ADCY2: variants seen among roughly 807,000 people sequenced by gnomAD.
ADCY2 encodes adenylate cyclase 2.
Under a neutral mutation model 125.2 loss-of-function variants are expected in ADCY2, and 31 were observed. That is an observed-to-expected ratio of 0.25 (90% CI 0.19 to 0.33). The LOEUF (loss-of-function observed/expected upper bound fraction) is 0.33, where lower values mean the gene tolerates loss of function less well. Among genes scored for constraint, ADCY2 ranks in the 10% least tolerant of loss-of-function variants. The pLI is 1.00. For synonymous variants in ADCY2, 512 were observed against 548.4 expected, an observed-to-expected ratio of 0.93 and a Z score of 0.93; for missense variants, 904 against 1,418.2, an observed-to-expected ratio of 0.64 and a Z score of 5.82.
rs539565346 is a variant in ADCY2 at position 7,829,071 on chromosome 5, A to C, written c.*2200A>C. ...AAGCATTGAGTCATTGTCAGAATCC[A>C]CTATGGGAAGCTCTGTGTGTACCTG... On this transcript the variant is annotated 3_prime_UTR_variant, in exon 25 of 25. Transcript: ENST00000338316. 2.0e-5 allele frequency: 3 copies of C among 152,512 alleles called. No homozygotes were observed. Among genetic ancestry groups the C allele is most frequent in the African/African-American group, 7.2e-5 (3 of 41,588 alleles). 9.4% of individuals were successfully genotyped at this position (152,512 alleles called of 1,614,324 possible).
Position 7,766,772 on chromosome 5 carries a change from C to A in ADCY2, c.2180C>A (p.Ala727Glu). The change falls in exon 17 of 25, where the codon GCG becomes GAG. Residue 727 changes from alanine to glutamate, a missense_variant. Physicochemically the swap from Ala to Glu is moderately radical, Grantham distance 107. This residue lies in a region of ADCY2 where 221 missense variants were observed against 246.2 expected (regional missense o/e 0.90). Transcript: ENST00000338316. ...TTTTCAGCCTCAAATAATCAGGTGG[C>A]GATTCTGCGTGCGCAGAATTTATTT... ...TSFSASNNQV[A>E]ILRAQNLFFL... The A allele has an allele frequency of 6.2e-7, 1 of 1,611,150 alleles. No homozygotes were observed. Among genetic ancestry groups the A allele is most frequent in the Non-Finnish European group, 8.5e-7 (1 of 1,179,322 alleles).
At chr5:7,449,438 C>A (rs912066519) in intron 2 of ADCY2, among the ~76,000 whole-genome samples, 1 of 152,130 alleles carries the variant, frequency 6.6e-6, no homozygotes, top group South Asian at 2.1e-4. Context: ...TCTGCCTTAC[C>A]TTTTCCTATG....
intron 4 of ADCY2, among the ~76,000 whole-genome samples, chr5:7,671,105 A>T (rs1739920631): frequency 6.6e-6 from 1 of 152,194 alleles, no homozygotes; most frequent in Non-Finnish European, 1.5e-5. Flanking sequence ...GATCATGACC[A>T]CTTCAGTTCT....
chr5:7,448,964 A>G (rs1303021149), intron 2 of ADCY2, among the ~76,000 whole-genome samples: 1 of 152,166 alleles, frequency 6.6e-6, no homozygotes, highest in East Asian at 1.9e-4. Context: ...TTATAATAGA[A>G]TGATTTATAT....
chr5:7,498,086 T>C (rs530051098), intron 2 of ADCY2, among the ~76,000 whole-genome samples: 2 of 152,192 alleles, frequency 1.3e-5, no homozygotes, highest in East Asian at 1.9e-4. Flanking sequence ...ATGGATACTC[T>C]GTAGATCCGA....
At chr5:7,723,920 C>CAAAAAAAAAAAAAAAAAAAAAA (rs70940756) in intron 12 of ADCY2, among the ~76,000 whole-genome samples, 9 of 53,722 alleles carry the variant, frequency 1.7e-4, no homozygotes, top group African/African-American at 9.2e-4. Context: ...GACTCAGTCT[C>CAAAAAAAAAAAAAAAAAAAAAA]AAAAAAAAAA....
chr5:7,421,501 T>C (rs1201455307), intron 2 of ADCY2, among the ~76,000 whole-genome samples: 3 of 152,208 alleles, frequency 2.0e-5, no homozygotes, highest in Non-Finnish European at 4.4e-5. Context: ...TCATATTGGA[T>C]TACAACCACC....
At chr5:7,724,454 A>C in intron 12 of ADCY2, 91 bp from the exon 13 acceptor site, 1 of 986,118 alleles carries the variant, frequency 1.0e-6, no homozygotes, top group Non-Finnish European at 1.6e-6. Context: ...TACACAATAA[A>C]GAAAGAAGAT....
chr5:7,458,529 G>C (rs1317290183), intron 2 of ADCY2, among the ~76,000 whole-genome samples: 1 of 151,974 alleles, frequency 6.6e-6, no homozygotes, highest in Non-Finnish European at 1.5e-5. Flanking sequence ...CATGTATTCT[G>C]TGATATTGTC....
chr5:7,449,988 ACTGCTCCACTGAC>A (rs1741413680), intron 2 of ADCY2, among the ~76,000 whole-genome samples: 1 of 152,108 alleles, frequency 6.6e-6, no homozygotes, highest in African/African-American at 2.4e-5. Flanking sequence ...GTGTCTTTTG[ACTGCTCCACTGAC>A]CAGCTGTTCT....
chr5:7,722,627 C>T (rs1223038727), intron 12 of ADCY2, among the ~76,000 whole-genome samples: 1 of 151,846 alleles, frequency 6.6e-6, no homozygotes, highest in Non-Finnish European at 1.5e-5. Flanking sequence ...TTCCCTACAG[C>T]TTATACCCTT....
At chr5:7,804,040 A>AAGAGAGAGAGAGAGAGAG (rs57193249) in intron 21 of ADCY2, among the ~76,000 whole-genome samples, 4,959 of 106,240 alleles carry the variant, frequency 0.047, 406 homozygotes, top group Non-Finnish European at 0.06. Context: ...GGAGGGGGGA[A>AAGAGAGAGAGAGAGAGAG]AGAGAGAGAG....
chr5:7,640,209 A>G (rs1216195144), intron 4 of ADCY2, among the ~76,000 whole-genome samples: 1 of 152,220 alleles, frequency 6.6e-6, no homozygotes, highest in African/African-American at 2.4e-5. Context: ...GGTGAATTTT[A>G]TTAACGAGTC....
Position 7,827,021 on chromosome 5 carries a change from G to C in ADCY2, c.*150G>C. 3.2e-6 allele frequency: 3 copies of C among 947,530 alleles called. No homozygotes were observed. The highest frequency in any genetic ancestry group is 4.6e-6 in the Non-Finnish European group (3 of 651,754). The allele number at this position is 947,530 out of a possible 1,614,324, so 58.7% of individuals were successfully genotyped here. ...CGTTCTCGTGACCCAGTGGCATACC[G>C]TTTGGTGTCTGATGTGTGCCCAGAT... On this transcript the variant is annotated 3_prime_UTR_variant, in exon 25 of 25. Transcript: ENST00000338316.
At chr5:7,766,520 A>G (rs1241590000) in intron 16 of ADCY2, among the ~76,000 whole-genome samples, 167 bp from the exon 17 acceptor site, 2 of 152,236 alleles carry the variant, frequency 1.3e-5, no homozygotes, top group Admixed American at 6.5e-5. Flanking sequence ...TATTGAATGT[A>G]TAGAACAATA....
intron 4 of ADCY2, among the ~76,000 whole-genome samples, chr5:7,650,622 G>GC (rs1579277502): frequency 6.6e-6 from 1 of 152,008 alleles, no homozygotes; most frequent in African/African-American, 2.4e-5. Context: ...CTATGTTCTT[G>GC]CCCCCCGGAC....
intron 9 of ADCY2, 26 bp downstream of exon 9, chr5:7,707,864 G>A (rs1436988133): frequency 4.4e-6 from 7 of 1,604,276 alleles, no homozygotes; most frequent in Admixed American, 1.7e-5. Flanking sequence ...AAGAGTCTAT[G>A]ATGAAAAGGG....
intron 4 of ADCY2, among the ~76,000 whole-genome samples, chr5:7,650,300 G>A (rs1308644324): frequency 1.3e-5 from 2 of 151,832 alleles, no homozygotes; most frequent in African/African-American, 2.4e-5. Context: ...GTCCCTGAGT[G>A]TGCAGGCTCA....
intron 2 of ADCY2, among the ~76,000 whole-genome samples, chr5:7,421,113 T>C (rs1243904375): frequency 6.6e-6 from 1 of 152,148 alleles, no homozygotes; most frequent in Admixed American, 6.5e-5. Flanking sequence ...CAGGGAAGCT[T>C]GGAATTCCAG....
Sources: gnomAD v4.1 joint callset for allele counts (sites outside exome capture counted in the v4.1 genomes callset) on GRCh38, gnomAD v4.1.1 for gene constraint, gnomAD v4.1.1 regional missense constraint, MANE v1.5 for transcripts, NCBI Gene and HGNC (gene_info 2026-07-23, HGNC 2026-07-21) for gene names.